The following TLN2 variants were observed in gnomAD, a reference collection of about 807,000 sequenced individuals.
TLN2 encodes the protein talin-2.
Under a neutral mutation model 294.7 loss-of-function variants are expected in TLN2, and 118 were observed. That is an observed-to-expected ratio of 0.40 (90% CI 0.34 to 0.47). TLN2 has a LOEUF of 0.47. Among genes scored for constraint, TLN2 ranks in the 20% least tolerant of loss-of-function variants. The pLI is 0.84. For synonymous variants in TLN2, 1,431 were observed against 1,304.5 expected (o/e 1.10, Z -2.09); for missense variants, 3,083 against 3,282.2 (o/e 0.94, Z 1.48).
rs201936321 is a variant in TLN2 at position 62,647,395 on chromosome 15, G to A, written c.85G>A (p.Asp29Asn). The A allele has an allele frequency of 6.2e-7, 1 of 1,614,214 alleles. No homozygotes were observed. The highest frequency in any genetic ancestry group is 1.3e-5 in the African/African-American group (1 of 75,054). Residue 29 changes from aspartate to asparagine, a missense_variant, in exon 4 of 59, where the codon GAT becomes AAT. By Grantham distance (23) the Asp-to-Asn change is conservative. Transcript: ENST00000636159. ...MQFEPSTAVY[D>N]ACRVIRERVP... ...GTTTGAACCATCTACAGCTGTGTAC[G>A]ATGCGTGTCGAGTCATTCGGGAACG...
At chr15:62,578,005 C>A (rs111372693) in intron 1 of TLN2, among the ~76,000 whole-genome samples, 1 of 151,984 alleles carries the variant, frequency 6.6e-6, no homozygotes, top group Non-Finnish European at 1.5e-5. Context: ...CATCCATGTC[C>A]CTATAAAGGA....
At chr15:62,833,253 A>C (rs1277082801) in intron 54 of TLN2, 3 of 452,112 alleles carry the variant, frequency 6.6e-6, no homozygotes, top group Admixed American at 3.8e-5. Context: ...TTAATGCCTG[A>C]AAGGTACCAG....
intron 1 of TLN2, among the ~76,000 whole-genome samples, chr15:62,458,159 T>G (rs1345039215): frequency 6.6e-6 from 1 of 151,970 alleles, no homozygotes; most frequent in Non-Finnish European, 1.5e-5. Context: ...TCTGCAGTGG[T>G]GTGGGCATCT....
At chr15:62,741,189 G>A (rs963982962) in intron 32 of TLN2, among the ~76,000 whole-genome samples, 1 of 152,184 alleles carries the variant, frequency 6.6e-6, no homozygotes, top group Non-Finnish European at 1.5e-5. Context: ...CTTTTATTGA[G>A]CACTTAACCC....
chr15:62,658,740 C>T (rs563002398), intron 9 of TLN2, among the ~76,000 whole-genome samples: 93 of 152,280 alleles, frequency 6.1e-4, no homozygotes, highest in African/African-American at 2.2e-3. Context: ...TCAGGAACCT[C>T]GGGAAGCTTC....
intron 1 of TLN2, among the ~76,000 whole-genome samples, chr15:62,520,999 G>C (rs1451925972): frequency 6.6e-6 from 1 of 152,148 alleles, no homozygotes; most frequent in Admixed American, 6.6e-5. Flanking sequence ...GGCTTGGGTG[G>C]AAGTAAGGAG....
chr15:62,487,194 C>T (rs2140398497), intron 1 of TLN2, among the ~76,000 whole-genome samples: 1 of 152,316 alleles, frequency 6.6e-6, no homozygotes, highest in African/African-American at 2.4e-5. Context: ...CCTTGTGAAT[C>T]TCTTCTCTTC....
intron 1 of TLN2, among the ~76,000 whole-genome samples, chr15:62,499,777 A>G (rs1301721636): frequency 6.6e-6 from 1 of 151,790 alleles, no homozygotes; most frequent in Non-Finnish European, 1.5e-5. Context: ...TTAATTTTGT[A>G]TTTTTAGTAG....
rs559019767 is a variant in TLN2 at position 62,769,248 on chromosome 15, A to G, written c.5197-1716A>G. 8.5e-5 allele frequency among the ~76,000 whole-genome samples: 13 copies of G among 152,364 alleles called. No homozygotes were observed. The South Asian group carries it at 2.7e-3, about 32-fold the overall frequency. On this transcript the variant is annotated intron_variant, in intron 41 of 58. Transcript: ENST00000636159. ...GGACCACCCTAAGCCCTCTGTCCCG[A>G]TGACCCTTCAGTGCTCCGTTCCCTT...
At chr15:62,730,225 A>T (rs1008804203) in intron 28 of TLN2, among the ~76,000 whole-genome samples, 1 of 151,894 alleles carries the variant, frequency 6.6e-6, no homozygotes, top group African/African-American at 2.4e-5. Flanking sequence ...TATTTTTAGT[A>T]GAGACGGGGT....
intron 2 of TLN2, among the ~76,000 whole-genome samples, chr15:62,607,964 C>T (rs1409949329): frequency 6.6e-6 from 1 of 152,122 alleles, no homozygotes; most frequent in Admixed American, 6.5e-5. Context: ...ATTTGAGCTG[C>T]CAATTATTTT....
chr15:62,763,459 T>A (rs10152548), intron 39 of TLN2, 104 bp from the exon 40 acceptor site: 1,450,123 of 1,455,070 alleles, frequency 1, 722,714 homozygotes, highest in East Asian at 1. Flanking sequence ...GAGGTGACTG[T>A]GTCAGGGAGG....
chr15:62,593,147 G>A (rs920832832), intron 2 of TLN2, among the ~76,000 whole-genome samples: 6 of 152,170 alleles, frequency 3.9e-5, no homozygotes, highest in South Asian at 2.1e-4. Flanking sequence ...GGGCTATGAC[G>A]TCAGTGAAGA....
chr15:62,505,582 G>A (rs1274812179), intron 1 of TLN2, among the ~76,000 whole-genome samples: 1 of 152,032 alleles, frequency 6.6e-6, no homozygotes, highest in Non-Finnish European at 1.5e-5. Context: ...TAATTTATCT[G>A]GTAGCCTCAG....
chr15:62,702,282 G>T, intron 18 of TLN2, 82 bp downstream of exon 18: 1 of 1,434,538 alleles, frequency 7.0e-7, no homozygotes, highest in Non-Finnish European at 9.4e-7. Flanking sequence ...CTTGCTTCCC[G>T]AGCTGTTCCT....
At position 62,666,282 on chromosome 15, in the gene TLN2, G is replaced by A. The variant is rs535058996; in HGVS notation, c.789-7545G>A. The stretch of plus-strand genomic sequence containing the variant: ...ATTTGGGTGTTGTCAGTGTGATAGC[G>A]CTAAGAGGTGGGGCCTCAAGACATG... On this transcript the variant is annotated intron_variant, in intron 9 of 58. Transcript: ENST00000636159. 3.3e-5 allele frequency among the ~76,000 whole-genome samples: 5 copies of A among 152,238 alleles called. No homozygotes were observed. In the South Asian group the frequency reaches 8.3e-4, roughly 25 times the overall value.
At chr15:62,474,833 C>T (rs373133690) in intron 1 of TLN2, among the ~76,000 whole-genome samples, 3 of 152,122 alleles carry the variant, frequency 2.0e-5, no homozygotes, top group African/African-American at 2.4e-5. Flanking sequence ...GAATCCTTGA[C>T]GATGCTGTGG....
At chr15:62,796,059 C>T (rs2065453628) in intron 46 of TLN2, 68 bp from the exon 47 acceptor site, 2 of 1,558,082 alleles carry the variant, frequency 1.3e-6, no homozygotes, top group Non-Finnish European at 1.7e-6. Context: ...TCATTATTTT[C>T]AGAATCTGCT....
At chr15:62,546,305 C>T (rs1326700582) in intron 1 of TLN2, among the ~76,000 whole-genome samples, 1 of 152,118 alleles carries the variant, frequency 6.6e-6, no homozygotes, top group Non-Finnish European at 1.5e-5. Flanking sequence ...TGAGCTGGGG[C>T]ACGGCTAATC....
Sources: gnomAD v4.1 joint callset for allele counts (sites outside exome capture counted in the v4.1 genomes callset) on GRCh38, gnomAD v4.1.1 for gene constraint, MANE v1.5 for transcripts, NCBI Gene and HGNC (gene_info 2026-07-23, HGNC 2026-07-21) for gene names.